The following CLYBL variants were observed in gnomAD, a reference collection of about 807,000 sequenced individuals.
The protein encoded by CLYBL is citramalyl-CoA lyase, mitochondrial.
A neutral mutation model predicts 38.9 loss-of-function variants in CLYBL; 31 were observed. That is an observed-to-expected ratio of 0.80 (90% CI 0.60 to 1.08). The LOEUF is 1.08. Ranked by LOEUF, CLYBL falls within the 50% of genes least tolerant of loss-of-function variation. CLYBL has a pLI of 0.00. For missense variants in CLYBL, 434 were observed against 411.6 expected (o/e 1.05, Z -0.47); for synonymous variants, 171 against 158.6 (o/e 1.08, Z -0.59).
intron 1 of CLYBL, among the ~76,000 whole-genome samples, chr13:99,764,806 A>G (rs2049235402): frequency 6.6e-6 from 1 of 151,580 alleles, no homozygotes; most frequent in African/African-American, 2.4e-5. Context: ...CAGCCTCCCA[A>G]GTATCTGGGT....
chr13:99,722,439 T>C (rs1463107441), intron 1 of CLYBL, among the ~76,000 whole-genome samples: 1 of 152,090 alleles, frequency 6.6e-6, no homozygotes, highest in Admixed American at 6.6e-5. Context: ...TAAGTTGCTT[T>C]AGATTTTCCA....
intron 2 of CLYBL, among the ~76,000 whole-genome samples, chr13:99,786,738 G>A (rs1594182483): frequency 6.8e-6 from 1 of 146,566 alleles, no homozygotes; most frequent in Non-Finnish European, 1.5e-5. Flanking sequence ...GGGATGGCTG[G>A]GTCAAATGGT....
intron 2 of CLYBL, among the ~76,000 whole-genome samples, chr13:99,822,211 G>A (rs2050601329): frequency 6.6e-6 from 1 of 152,184 alleles, no homozygotes; most frequent in African/African-American, 2.4e-5. Flanking sequence ...AAAATAAAAT[G>A]GTTGTGGTTG....
intron 2 of CLYBL, among the ~76,000 whole-genome samples, chr13:99,795,328 T>A (rs2050000289): frequency 6.6e-6 from 1 of 152,146 alleles, no homozygotes; most frequent in Admixed American, 6.6e-5. Flanking sequence ...CTTGGGCAAG[T>A]TATTGATTAA....
intron 7 of CLYBL, among the ~76,000 whole-genome samples, chr13:99,883,875 C>G (rs1566366601): frequency 6.6e-6 from 1 of 152,182 alleles, no homozygotes; most frequent in Non-Finnish European, 1.5e-5. Flanking sequence ...CTGGCCAAAC[C>G]AGCACCATTG....
At chr13:99,718,387 A>C (rs928739832) in intron 1 of CLYBL, among the ~76,000 whole-genome samples, 1 of 152,102 alleles carries the variant, frequency 6.6e-6, no homozygotes, top group Non-Finnish European at 1.5e-5. Context: ...AAAAAAAAAA[A>C]AACCTAGAGA....
Position 99,875,403 on chromosome 13 carries a change from T to C in CLYBL, c.927+4341T>C, listed in dbSNP as rs1315894082. 2.6e-5 allele frequency among the ~76,000 whole-genome samples: 4 copies of C among 152,300 alleles called. No individual in the cohort carries two copies. In the East Asian group the frequency reaches 5.8e-4, roughly 22 times the overall value. ...CTTCATCTAGAAACTTTACAAACAG[T>C]AATACATCCCTCCTCCCAAAATATT... is the stretch of plus-strand genomic sequence containing the variant. On this transcript the variant is annotated intron_variant, in intron 7 of 8. Transcript: ENST00000339105.
At chr13:99,775,124 G>A (rs1006885104) in intron 2 of CLYBL, among the ~76,000 whole-genome samples, 3 of 152,162 alleles carry the variant, frequency 2.0e-5, no homozygotes, top group African/African-American at 7.2e-5. Context: ...ATTTATTGTA[G>A]CATTGTAGCA....
intron 3 of CLYBL, among the ~76,000 whole-genome samples, chr13:99,862,694 G>A (rs1323911197): frequency 6.6e-5 from 10 of 152,100 alleles, no homozygotes; most frequent in East Asian, 1.9e-4. Flanking sequence ...AAGTAAATGC[G>A]TTTTCAGGGA....
intron 1 of CLYBL, among the ~76,000 whole-genome samples, chr13:99,636,244 G>A (rs140819652): frequency 4.6e-5 from 7 of 152,262 alleles, no homozygotes; most frequent in East Asian, 1.9e-4. Context: ...ACACTTTACC[G>A]CAGTTATGTG....
intron 1 of CLYBL, among the ~76,000 whole-genome samples, chr13:99,610,091 C>CAA (rs1471853767): frequency 7.2e-5 from 11 of 152,164 alleles, no homozygotes; most frequent in Admixed American, 5.9e-4. Context: ...TTTGAAGAGA[C>CAA]AGAGTCTTGC....
chr13:99,682,889 A>G (rs972036170), intron 1 of CLYBL, among the ~76,000 whole-genome samples: 7 of 151,268 alleles, frequency 4.6e-5, no homozygotes, highest in African/African-American at 7.3e-5. Context: ...GGCACCTGTC[A>G]CCACGCCCGG....
At chr13:99,775,890 A>G (rs1376508494) in intron 2 of CLYBL, among the ~76,000 whole-genome samples, 3 of 151,996 alleles carry the variant, frequency 2.0e-5, no homozygotes, top group Non-Finnish European at 4.4e-5. Flanking sequence ...TAGGCCGGGC[A>G]CGGTGGCTCA....
intron 1 of CLYBL, among the ~76,000 whole-genome samples, chr13:99,643,745 C>T (rs1348756763): frequency 2.0e-5 from 3 of 152,106 alleles, no homozygotes; most frequent in Admixed American, 6.6e-5. Flanking sequence ...CAGTGGCTCA[C>T]GCCTGTAATC....
chr13:99,850,571 C>T (rs1421288866), intron 2 of CLYBL, among the ~76,000 whole-genome samples: 3 of 152,076 alleles, frequency 2.0e-5, no homozygotes, highest in African/African-American at 4.8e-5. Flanking sequence ...GGTGCATTGC[C>T]GATGGGAAGG....
At chr13:99,647,679 A>C (rs1217723158) in intron 1 of CLYBL, among the ~76,000 whole-genome samples, 1 of 152,218 alleles carries the variant, frequency 6.6e-6, no homozygotes, top group Non-Finnish European at 1.5e-5. Flanking sequence ...AGAGGGCAAG[A>C]AGCATCTTAA....
Position 99,819,007 on chromosome 13 carries a change from T to A in CLYBL, c.250-39854T>A, listed in dbSNP as rs992387679. 3.3e-5 allele frequency among the ~76,000 whole-genome samples: 5 copies of A among 152,214 alleles called. No homozygotes were observed. In the South Asian group the frequency reaches 1.0e-3, roughly 32 times the overall value. ...AAAAAAATTCTCTACAAGGGGACTT[T>A]TATATATTGAGTGCCTTACGTTTCC... On this transcript the variant is annotated intron_variant, in intron 2 of 8. Transcript: ENST00000339105.
chr13:99,859,965 G>A (rs771220213), intron 3 of CLYBL, among the ~76,000 whole-genome samples: 1 of 152,064 alleles, frequency 6.6e-6, no homozygotes, highest in Non-Finnish European at 1.5e-5. Context: ...TATTATCTCT[G>A]AGGCTGTGGC....
At chr13:99,688,214 CT>C (rs1251792219) in intron 1 of CLYBL, among the ~76,000 whole-genome samples, 1 of 151,740 alleles carries the variant, frequency 6.6e-6, no homozygotes, top group Non-Finnish European at 1.5e-5. Context: ...TTGAAAATTC[CT>C]TCCTTCATAC....
Sources: allele counts gnomAD v4.1 joint callset (sites outside exome capture counted in the v4.1 genomes callset), GRCh38; gene constraint gnomAD v4.1.1; transcripts MANE v1.5; gene names NCBI Gene and HGNC (gene_info 2026-07-23, HGNC 2026-07-21).